The following CEP290 variants were observed in gnomAD, a reference collection of about 807,000 sequenced individuals.
CEP290 encodes the protein centrosomal protein 290.
In CEP290, 317 loss-of-function variants were observed where a neutral mutation model predicts 344.9. The observed-to-expected ratio is 0.92, with a 90% CI of 0.84 to 1.01. The LOEUF (loss-of-function observed/expected upper bound fraction) is 1.01, where lower values mean the gene tolerates loss of function less well. Among genes scored for constraint, CEP290 ranks in the 50% least tolerant of loss-of-function variants. CEP290 has a pLI of 0.00. For missense variants in CEP290, 2,754 were observed against 2,761.4 expected (o/e 1.00, Z 0.06); for synonymous variants, 932 against 895.8 (o/e 1.04, Z -0.72).
In CEP290 at chr12:88,102,870, CA is replaced by C; in HGVS notation, c.2958del (p.Val987PhefsTer17). ...TGTTCCAAGTTACTTGTTCTTTGAA[CA>C]AGCATATTATCTTTTTGCAAGATGT... The part of the protein sequence containing the change: ...YRDILQKDNM[L>X]VQRTSNLEHL... On this transcript the variant is annotated frameshift_variant, in exon 26 of 54. Coordinates refer to ENST00000552810, the MANE Select transcript of CEP290 (RefSeq NM_025114.4). LOFTEE classifies it high-confidence loss of function. 1.2e-6 allele frequency: 2 copies of C among 1,610,236 alleles called. No homozygotes were observed. The highest frequency in any genetic ancestry group is 1.7e-6 in the Non-Finnish European group (2 of 1,178,312).
chr12:88,079,145 C>G lies in CEP290; in HGVS notation c.5311G>C (p.Glu1771Gln), dbSNP rs763804735. 16 of 1,602,118 alleles carry G rather than the reference C, an allele frequency of 1.0e-5. No individual in the cohort carries two copies. The highest frequency in any genetic ancestry group is 1.4e-5 in the Non-Finnish European group (16 of 1,175,272). The change falls in exon 39 of 54, where the codon GAG (glutamate) becomes CAG (glutamine). Residue 1771 changes from glutamate to glutamine, a missense_variant. By Grantham distance (29) the Glu-to-Gln change is conservative. Coordinates refer to ENST00000552810, the MANE Select transcript of CEP290 (RefSeq NM_025114.4). ...ERIISATSQKEAHLNVQQIVD... is the reference protein window; with the variant it reads ...ERIISATSQKQAHLNVQQIVD... ...ATTTGTTGAACATTGAGATGGGCCT[C>G]TTTTTGAGAAGTTGCAGAAATAATA...
Position 88,106,990 on chromosome 12 carries a change from A to G in CEP290, c.2586+6T>C. ...TGCATACTAATGTTAAAAATGTTTT[A>G]CTTACATTATATTCTTTTACTTTTA... is the stretch of plus-strand genomic sequence containing the variant. On this transcript the variant is annotated splice_donor_region_variant and intron_variant, in intron 24 of 53. Coordinates refer to ENST00000552810, the MANE Select transcript of CEP290 (RefSeq NM_025114.4). 6.5e-7 allele frequency: 1 copy of G among 1,536,510 alleles called. No homozygotes were observed. Among genetic ancestry groups the G allele is most frequent in the East Asian group, 2.4e-5 (1 of 42,458 alleles).
At chr12:88,091,453 C>T (rs1409182461) in intron 29 of CEP290, among the ~76,000 whole-genome samples, 2 of 150,674 alleles carry the variant, frequency 1.3e-5, no homozygotes, top group Admixed American at 6.6e-5. Context: ...TTCAAATTCC[C>T]TCATGAATAC....
intron 26 of CEP290, among the ~76,000 whole-genome samples, chr12:88,101,257 G>A (rs2037852817): frequency 1.3e-5 from 2 of 151,858 alleles, no homozygotes; most frequent in South Asian, 2.1e-4. Context: ...CGAGGCGGGT[G>A]GATCACGAGT....
intron 43 of CEP290, among the ~76,000 whole-genome samples, chr12:88,069,561 CAA>C: frequency 6.6e-6 from 1 of 152,162 alleles, no homozygotes; most frequent in Non-Finnish European, 1.5e-5. Context: ...AAACAGATGT[CAA>C]GAGAAAGAAA....
chr12:88,111,863 C>A lies in CEP290; in HGVS notation c.2053-5G>T, dbSNP rs764694042. 6.5e-6 allele frequency: 10 copies of A among 1,533,536 alleles called. No individual in the cohort carries two copies. The highest frequency in any genetic ancestry group is 5.6e-5 in the African/African-American group (4 of 70,908). 95.0% of individuals were successfully genotyped at this position (1,533,536 alleles called of 1,614,324 possible). A position where few individuals can be genotyped will look rare whatever the true frequency, so the allele number is the denominator to read the frequency against. On this transcript the variant is annotated splice_region_variant and splice_polypyrimidine_tract_variant and intron_variant, in intron 20 of 53. Transcript: ENST00000552810. ...TGCATTCTTTGATTCTATAGCCTAG[C>A]AAATTTATATTATATATTAGAAATG...
intron 28 of CEP290, 108 bp from the exon 29 acceptor site, chr12:88,092,940 CATATT>C: frequency 1.0e-6 from 1 of 980,950 alleles, no homozygotes; most frequent in South Asian, 1.5e-5. Flanking sequence ...CCTTAGTTCA[CATATT>C]ATATTAAGTG....
At chr12:88,117,962 G>C (rs1218421136) in intron 17 of CEP290, among the ~76,000 whole-genome samples, 1 of 151,974 alleles carries the variant, frequency 6.6e-6, no homozygotes, top group African/African-American at 2.4e-5. Context: ...CTAGAACCCG[G>C]GAGGCGGAGG....
Position 88,095,862 on chromosome 12 carries a change from T to C in CEP290, c.3103+1026A>G, listed in dbSNP as rs7297069. Among the ~76,000 whole-genome samples the C allele has an allele frequency of 1.0e-3, 159 of 152,256 alleles. 1 individual carries two copies. Among genetic ancestry groups the C allele is most frequent in the African/African-American group, 3.7e-3 (155 of 41,554 alleles). On this transcript the variant is annotated intron_variant, in intron 27 of 53. Transcript: ENST00000552810. ...TATATAACTGTTTGAAAAATTAATA[T>C]GGAAAACTCTAATGAGAGCAACAAA...
rs916059923 is a variant in CEP290 at position 88,085,694 on chromosome 12, T to C, written c.4437+345A>G. On this transcript the variant is annotated intron_variant, in intron 34 of 53. Coordinates refer to ENST00000552810, the MANE Select transcript of CEP290 (RefSeq NM_025114.4). ...TTAAAGGCAATGAACTGAAAATTGA[T>C]TCATAGATTATGTAACATGCACTTC... is the stretch of plus-strand genomic sequence containing the variant. Among the ~76,000 whole-genome samples, 12 of 152,104 alleles carry C rather than the reference T, an allele frequency of 7.9e-5. 1 individual carries two copies. Among genetic ancestry groups the C allele is most frequent in the Admixed American group, 6.5e-4 (10 of 15,272 alleles).
Position 88,126,299 on chromosome 12 carries a change from TTC to T in CEP290, c.1065+15_1065+16del. 1 of 1,433,590 alleles carries T rather than the reference TTC, an allele frequency of 7.0e-7. No homozygotes were observed. The highest frequency in any genetic ancestry group is 1.5e-5 in the African/African-American group (1 of 66,474). 88.8% of individuals were successfully genotyped at this position (1,433,590 alleles called of 1,614,324 possible). Reference sequence around the variant, plus strand: ...TAATAAAACTGGTTGATAAACAAAATTCTGTTAAGATTTTACCTGCTGTAGAG... The same window carrying T: ...TAATAAAACTGGTTGATAAACAAAATTGTTAAGATTTTACCTGCTGTAGAG... On this transcript the variant is annotated intron_variant, in intron 12 of 53. Coordinates refer to ENST00000552810, the MANE Select transcript of CEP290 (RefSeq NM_025114.4).
At chr12:88,065,928 G>A (rs970816257) in intron 44 of CEP290, among the ~76,000 whole-genome samples, 8 of 152,034 alleles carry the variant, frequency 5.3e-5, no homozygotes, top group Non-Finnish European at 8.8e-5. Flanking sequence ...CGAACTTCAC[G>A]AGACTTCCAA....
intron 43 of CEP290, among the ~76,000 whole-genome samples, chr12:88,070,312 T>C (rs1358315429): frequency 6.6e-6 from 1 of 152,206 alleles, no homozygotes; most frequent in Non-Finnish European, 1.5e-5. Context: ...GAATTTACCT[T>C]TTCTTTTATT....
chr12:88,071,859 C>T lies in CEP290; in HGVS notation c.5777G>A (p.Arg1926Gln), dbSNP rs778030031. The T allele has an allele frequency of 1.1e-5, 17 of 1,604,088 alleles. No individual in the cohort carries two copies. Among genetic ancestry groups the T allele is most frequent in the Admixed American group, 5.1e-5 (3 of 58,294 alleles). ...CCCCTCTTTCTCTTTTAACTTGTTT[C>T]GAATTCCTTCTATTTTGGCTTGCCA... is the stretch of plus-strand genomic sequence containing the variant. The part of the protein sequence containing the change: ...KKWQAKIEGI[R>Q]NKLKEKEGEV... Residue 1926 changes from arginine to glutamine, a missense_variant, in exon 42 of 54, where the codon CGA (arginine) becomes CAA (glutamine). Coordinates refer to ENST00000552810, the MANE Select transcript of CEP290 (RefSeq NM_025114.4).
chr12:88,088,093 A>C (rs1464831934), intron 31 of CEP290, 149 bp from the exon 32 acceptor site: 2 of 384,606 alleles, frequency 5.2e-6, no homozygotes, highest in Non-Finnish European at 9.4e-6. Flanking sequence ...ACATGACAAA[A>C]TCTTATTTAG....
intron 27 of CEP290, 90 bp from the exon 28 acceptor site, chr12:88,094,065 A>G (rs1426624062): frequency 6.0e-6 from 6 of 997,550 alleles, no homozygotes; most frequent in East Asian, 2.5e-5. Flanking sequence ...AAAGCATTAT[A>G]GTTCCATGGA....
rs1046711755 is a variant in CEP290 at position 88,055,799 on chromosome 12, A to G, written c.6819-82T>C. The G allele has an allele frequency of 4.3e-6, 4 of 928,936 alleles. No homozygotes were observed. In the East Asian group the frequency reaches 8.9e-5, roughly 21 times the overall value. The allele number at this position is 928,936 out of a possible 1,614,324, so 57.5% of individuals were successfully genotyped here. The stretch of plus-strand genomic sequence containing the variant: ...AAAAGTCAGTTCAAATAACTGTACT[A>G]AAAATAAGCAAGAATATCTTATTTT... On this transcript the variant is annotated intron_variant, in intron 49 of 53. Coordinates refer to ENST00000552810, the MANE Select transcript of CEP290 (RefSeq NM_025114.4).
rs921429925 is a variant in CEP290 at position 88,051,071 on chromosome 12, T to C, written c.7130-638A>G. Among the ~76,000 whole-genome samples the C allele has an allele frequency of 6.6e-5, 10 of 152,134 alleles. 1 individual carries two copies. Among genetic ancestry groups the C allele is most frequent in the African/African-American group, 1.9e-4 (8 of 41,436 alleles). ...GCTTTAATGCTATCTTTGCTAGATA[T>C]CTCTTTTCTTTATATTATACTACAT... is the stretch of plus-strand genomic sequence containing the variant. On this transcript the variant is annotated intron_variant, in intron 52 of 53. Coordinates refer to ENST00000552810, the MANE Select transcript of CEP290 (RefSeq NM_025114.4).
intron 27 of CEP290, among the ~76,000 whole-genome samples, chr12:88,095,899 C>T (rs893877403): frequency 2.6e-5 from 4 of 152,036 alleles, no homozygotes; most frequent in Non-Finnish European, 4.4e-5. Context: ...ATTTCAATAC[C>T]TTCTGAGACA....
Sources: gnomAD v4.1 joint callset for allele counts (sites outside exome capture counted in the v4.1 genomes callset) on GRCh38, gnomAD v4.1.1 for gene constraint, MANE v1.5 for transcripts, NCBI Gene and HGNC (gene_info 2026-07-23, HGNC 2026-07-21) for gene names.